Variants in RNF220 observed in about 807,000 individuals in gnomAD.
The protein encoded by RNF220 is ring finger protein 220.
RNF220 carries 7 observed loss-of-function variants against 67.1 expected under a neutral mutation model. The observed-to-expected ratio is 0.10, with a 90% CI of 0.06 to 0.20. RNF220 has a LOEUF of 0.20. Among genes scored for constraint, RNF220 ranks in the 10% least tolerant of loss-of-function variants. The pLI is 1.00. For synonymous variants in RNF220, 270 were observed against 283.2 expected, an observed-to-expected ratio of 0.95 and a Z score of 0.47; for missense variants, 565 against 740.3, an observed-to-expected ratio of 0.76 and a Z score of 2.75.
chr1:44,466,465 T>C (rs1654282763), intron 2 of RNF220, among the ~76,000 whole-genome samples: 1 of 152,232 alleles, frequency 6.6e-6, no homozygotes, highest in Non-Finnish European at 1.5e-5. Context: ...GAATCTAAAA[T>C]GATGAATCCT....
At chr1:44,613,996 G>A (rs1573048037) in intron 2 of RNF220, among the ~76,000 whole-genome samples, 169 bp from the exon 3 acceptor site, 1 of 152,322 alleles carries the variant, frequency 6.6e-6, no homozygotes, top group African/African-American at 2.4e-5. Flanking sequence ...ACAGCCTCTG[G>A]AGCTGCAAGG....
intron 2 of RNF220, among the ~76,000 whole-genome samples, chr1:44,439,137 A>G (rs1395474256): frequency 1.3e-5 from 2 of 152,254 alleles, no homozygotes; most frequent in Non-Finnish European, 2.9e-5. Context: ...TAGAAATGTT[A>G]GATAAAAAGG....
At chr1:44,470,753 C>T (rs1654733109) in intron 2 of RNF220, among the ~76,000 whole-genome samples, 1 of 152,208 alleles carries the variant, frequency 6.6e-6, no homozygotes, top group Admixed American at 6.5e-5. Context: ...CTGGACCCTT[C>T]TGTCCTTTTG....
In RNF220 at chr1:44,651,692, A is replaced by G. The variant is rs771749643; in HGVS notation, c.*917A>G. The G allele has an allele frequency of 6.6e-6, 1 of 151,858 alleles. No homozygotes were observed. Among genetic ancestry groups the G allele is most frequent in the Non-Finnish European group, 1.5e-5 (1 of 68,132 alleles). 9.4% of individuals were successfully genotyped at this position (151,858 alleles called of 1,614,324 possible). A position where few individuals can be genotyped will look rare whatever the true frequency, so the allele number is the denominator to read the frequency against. On this transcript the variant is annotated 3_prime_UTR_variant, in exon 15 of 15. Transcript: ENST00000361799. ...CTTGTCCTTTCCCTTTGTAAACTACATTTGACATGGATTAAACCAGTATAA... is the reference window on the plus strand; with the variant it reads ...CTTGTCCTTTCCCTTTGTAAACTACGTTTGACATGGATTAAACCAGTATAA...
At chr1:44,560,735 T>C (rs978210004) in intron 2 of RNF220, among the ~76,000 whole-genome samples, 3 of 152,104 alleles carry the variant, frequency 2.0e-5, no homozygotes, top group African/African-American at 7.2e-5. Flanking sequence ...ATAATTTTTG[T>C]ATTTTTAATA....
chr1:44,559,016 C>A (rs571868455), intron 2 of RNF220, among the ~76,000 whole-genome samples: 2 of 152,352 alleles, frequency 1.3e-5, no homozygotes, highest in African/African-American at 4.8e-5. Context: ...TAGAAGGCAA[C>A]TCCGTGAGGG....
intron 2 of RNF220, among the ~76,000 whole-genome samples, chr1:44,480,964 TAC>T (rs1655750415): frequency 6.6e-6 from 1 of 152,182 alleles, no homozygotes; most frequent in Non-Finnish European, 1.5e-5. Flanking sequence ...GACAGAGATG[TAC>T]ATGTCTTCAG....
chr1:44,566,623 G>A (rs371960533), intron 2 of RNF220, among the ~76,000 whole-genome samples: 13 of 152,194 alleles, frequency 8.5e-5, no homozygotes, highest in Admixed American at 3.3e-4. Flanking sequence ...CAGACAAGTG[G>A]TATGGATCTG....
In RNF220 at chr1:44,649,978, G is replaced by A; in HGVS notation, c.1629+21G>A. On this transcript the variant is annotated intron_variant, in intron 14 of 14. Coordinates refer to ENST00000361799, the MANE Select transcript of RNF220 (RefSeq NM_018150.4). The surrounding 1 kb of genome is among the most constrained non-coding windows in gnomAD (Gnocchi z 5.9). ...CCCTGGTGAGGTGGCATGGGGGTCG[G>A]GGAATGGGAGGCCGCTCCGGGCACT... is the stretch of plus-strand genomic sequence containing the variant. The A allele has an allele frequency of 6.2e-7, 1 of 1,611,430 alleles. No individual in the cohort carries two copies.
chr1:44,599,710 A>T (rs575000552), intron 2 of RNF220, among the ~76,000 whole-genome samples: 1 of 152,206 alleles, frequency 6.6e-6, no homozygotes, highest in African/African-American at 2.4e-5. Flanking sequence ...AGATGATGGC[A>T]TGGTCATGAG....
chr1:44,474,874 T>C (rs780525266), intron 2 of RNF220, among the ~76,000 whole-genome samples: 2 of 152,208 alleles, frequency 1.3e-5, no homozygotes, highest in African/African-American at 4.8e-5. Flanking sequence ...TGCCACCTTA[T>C]ATAAGGGAAT....
chr1:44,644,923 A>G (rs1644593227), intron 9 of RNF220, 72 bp from the exon 10 acceptor site: 3 of 1,561,930 alleles, frequency 1.9e-6, no homozygotes, highest in African/African-American at 2.7e-5. Flanking sequence ...CAGGAGGGCC[A>G]TGCTCTCCTG....
chr1:44,532,568 T>C (rs2148195022), intron 2 of RNF220, among the ~76,000 whole-genome samples: 1 of 152,352 alleles, frequency 6.6e-6, no homozygotes, highest in Admixed American at 6.5e-5. Flanking sequence ...GAAGCAACTT[T>C]TGCAAAGTTG....
chr1:44,514,311 C>A (rs1238535425), intron 2 of RNF220, among the ~76,000 whole-genome samples: 1 of 152,178 alleles, frequency 6.6e-6, no homozygotes, highest in African/African-American at 2.4e-5. Context: ...GAAGCCCGTG[C>A]CTTCCTGAGT....
chr1:44,637,094 T>G (rs1355837303), intron 8 of RNF220, among the ~76,000 whole-genome samples: 2 of 152,270 alleles, frequency 1.3e-5, no homozygotes, highest in Non-Finnish European at 2.9e-5. Context: ...TTGGGAATAC[T>G]GCTGTGTATG....
In RNF220 at chr1:44,622,821, A is replaced by G. The variant is rs1447790175; in HGVS notation, c.804+34A>G. 3 of 1,601,898 alleles carry G rather than the reference A, an allele frequency of 1.9e-6. No homozygotes were observed. Among genetic ancestry groups the G allele is most frequent in the Non-Finnish European group, 2.6e-6 (3 of 1,169,000 alleles). On this transcript the variant is annotated intron_variant, in intron 4 of 14. Coordinates refer to ENST00000361799, the MANE Select transcript of RNF220 (RefSeq NM_018150.4). The surrounding 1 kb of genome is among the most constrained non-coding windows in gnomAD (Gnocchi z 4.3). ...CCAATTACATGTTTTCCTCCTGCCC[A>G]TACTAACCTAGGCCTACCCAGAACT...
At position 44,412,788 on chromosome 1, in the gene RNF220, G is replaced by A. The variant is rs1263286740; in HGVS notation, c.625+66G>A. 3 of 1,539,566 alleles carry A rather than the reference G, an allele frequency of 1.9e-6. No individual in the cohort carries two copies. Among genetic ancestry groups the A allele is most frequent in the African/African-American group, 1.4e-5 (1 of 72,556 alleles). On this transcript the variant is annotated intron_variant, in intron 2 of 14. Coordinates refer to ENST00000361799, the MANE Select transcript of RNF220 (RefSeq NM_018150.4). The surrounding 1 kb of genome is among the most constrained non-coding windows in gnomAD (Gnocchi z 5.3). ...CCCTGCCTCACCGTGATGTTCAACAGGTCGGTGGCGTTTTGCATGCTCCTA... is the reference window on the plus strand; with the variant it reads ...CCCTGCCTCACCGTGATGTTCAACAAGTCGGTGGCGTTTTGCATGCTCCTA...
intron 2 of RNF220, among the ~76,000 whole-genome samples, chr1:44,468,286 G>A (rs1214201110): frequency 6.6e-6 from 1 of 152,114 alleles, no homozygotes; most frequent in African/African-American, 2.4e-5. Flanking sequence ...TTGCTAATGA[G>A]AGTGTAAATT....
At chr1:44,524,546 T>C (rs1660210164) in intron 2 of RNF220, among the ~76,000 whole-genome samples, 1 of 152,172 alleles carries the variant, frequency 6.6e-6, no homozygotes, top group Non-Finnish European at 1.5e-5. Context: ...TTACATCTCT[T>C]ACCTGCCTCA....
Sources: allele counts gnomAD v4.1 joint callset (sites outside exome capture counted in the v4.1 genomes callset), GRCh38; gene constraint gnomAD v4.1.1; non-coding constraint Gnocchi (gnomAD v3.1); transcripts MANE v1.5; gene names NCBI Gene and HGNC (gene_info 2026-07-23, HGNC 2026-07-21).